KANSL3: variants seen among roughly 807,000 people sequenced by gnomAD.
The protein encoded by KANSL3 is KAT8 regulatory NSL complex subunit 3.
A neutral mutation model predicts 89.2 loss-of-function variants in KANSL3; 16 were observed. The ratio of observed to expected loss-of-function variants is 0.18; its 90% CI spans 0.12 to 0.27. The LOEUF is 0.27. Ranked by LOEUF, KANSL3 falls within the 10% of genes least tolerant of loss-of-function variation. The pLI, the probability that KANSL3 is intolerant of heterozygous loss-of-function variation, is 1.00. For missense variants in KANSL3, 879 were observed against 1,110.6 expected (o/e 0.79, Z 2.96); for synonymous variants, 385 against 419.7 (o/e 0.92, Z 1.01).
intron 3 of KANSL3, among the ~76,000 whole-genome samples, chr2:96,626,247 G>A (rs1394965973): frequency 2.0e-5 from 3 of 151,176 alleles, no homozygotes; most frequent in Non-Finnish European, 2.9e-5. Context: ...GTCAAACAAG[G>A]AGACACAAAG....
rs117632771 is a variant in KANSL3, at chr2:96,630,549, T to C, written c.386+763A>G. ...GGAGGAAACGGGAAGTAACTGTTTA[T>C]GGGTAAGAGGTTTCTTTTTAGGATG... On this transcript the variant is annotated intron_variant, in intron 3 of 20. Transcript: ENST00000431828. Among the ~76,000 whole-genome samples the C allele has an allele frequency of 2.6e-5, 4 of 152,356 alleles. No homozygotes were observed. In the East Asian group the frequency reaches 7.7e-4, roughly 29 times the overall value.
At chr2:96,616,067 C>G (rs2070042805) in intron 5 of KANSL3, among the ~76,000 whole-genome samples, 1 of 152,164 alleles carries the variant, frequency 6.6e-6, no homozygotes, top group East Asian at 1.9e-4. Flanking sequence ...ATCAGAGACA[C>G]CAGCAAGAGG....
chr2:96,625,421 C>T (rs1044854414), intron 3 of KANSL3, among the ~76,000 whole-genome samples: 1 of 152,194 alleles, frequency 6.6e-6, no homozygotes, highest in African/African-American at 2.4e-5. Flanking sequence ...CTATTGATCA[C>T]GTTGCAAACT....
chr2:96,611,980 T>C (rs145105859), intron 9 of KANSL3, among the ~76,000 whole-genome samples: 84 of 149,980 alleles, frequency 5.6e-4, no homozygotes, highest in African/African-American at 1.7e-3. Flanking sequence ...TTCAAAACAA[T>C]CTAGGGGAGA....
chr2:96,593,839 A>G lies in KANSL3; in HGVS notation c.*1772T>C, dbSNP rs1253339610. On this transcript the variant is annotated 3_prime_UTR_variant, in exon 21 of 21. Coordinates refer to ENST00000431828, the MANE Select transcript of KANSL3 (RefSeq NM_001115016.3). ...GTGGTATGATCCTACCTGTAAAGCT[A>G]TCAAACCCCTGGGTCCTGGATGCCT... The G allele has an allele frequency of 6.6e-6, 1 of 152,670 alleles. No individual in the cohort carries two copies. The highest frequency in any genetic ancestry group is 1.5e-5 in the Non-Finnish European group (1 of 68,330). 9.5% of individuals were successfully genotyped at this position (152,670 alleles called of 1,614,324 possible).
At chr2:96,602,963 G>A in intron 17 of KANSL3, 101 bp from the exon 18 acceptor site, 1 of 1,103,004 alleles carries the variant, frequency 9.1e-7, no homozygotes, top group Non-Finnish European at 1.3e-6. Context: ...AAACACCAGT[G>A]GTGCTTGCCC....
chr2:96,590,426 G>A (rs966770440), downstream of KANSL3, among the ~76,000 whole-genome samples: 6 of 151,756 alleles, frequency 4.0e-5, no homozygotes, highest in South Asian at 2.1e-4. Flanking sequence ...CCAAGTAGCC[G>A]GGACTACAGG....
rs530734479 is a variant in KANSL3 at position 96,593,561 on chromosome 2, G to A, written c.*2050C>T. The stretch of plus-strand genomic sequence containing the variant: ...CTGTGCAAGTTGTAGAACAATCCAC[G>A]TTCTCACAGCTCCCCTTCTTCAGTT... On this transcript the variant is annotated 3_prime_UTR_variant, in exon 21 of 21. Coordinates refer to ENST00000431828, the MANE Select transcript of KANSL3 (RefSeq NM_001115016.3). 3.1e-5 allele frequency: 10 copies of A among 322,038 alleles called. No individual in the cohort carries two copies. Among genetic ancestry groups the A allele is most frequent in the African/African-American group, 1.5e-4 (7 of 46,472 alleles). The allele number at this position is 322,038 out of a possible 1,614,324, so 19.9% of individuals were successfully genotyped here.
chr2:96,582,799 T>C, the KANSL3 span, among the ~76,000 whole-genome samples: 2 of 152,270 alleles, frequency 1.3e-5, no homozygotes, highest in Non-Finnish European at 2.9e-5. Flanking sequence ...TGATTATTCA[T>C]GCTAATAGGC....
intron 13 of KANSL3, 80 bp from the exon 14 acceptor site, chr2:96,608,744 C>T (rs982630979): frequency 1.3e-6 from 2 of 1,585,508 alleles, no homozygotes; most frequent in Non-Finnish European, 1.7e-6. Context: ...TCTGGAATTC[C>T]CCTTGTAGGA....
At chr2:96,605,697 G>A (rs1412845233) in intron 14 of KANSL3, 186 bp from the exon 15 acceptor site, 20 of 457,136 alleles carry the variant, frequency 4.4e-5, no homozygotes, top group South Asian at 1.0e-4. Flanking sequence ...GGCCCTGTCC[G>A]TGGGGGACCC....
chr2:96,612,219 G>A, intron 9 of KANSL3, 63 bp downstream of exon 9: 1 of 1,134,962 alleles, frequency 8.8e-7, no homozygotes, highest in Non-Finnish European at 1.3e-6. Context: ...AGGACTCAAT[G>A]GTAGCTATGA....
chr2:96,590,393 A>G (rs1021027683), downstream of KANSL3, among the ~76,000 whole-genome samples: 2 of 152,110 alleles, frequency 1.3e-5, no homozygotes, highest in Admixed American at 1.3e-4. Context: ...CCCAGGCTCA[A>G]GCAATCCTTC....
intron 20 of KANSL3, 44 bp downstream of exon 20, chr2:96,601,599 C>A: frequency 6.3e-7 from 1 of 1,598,426 alleles, no homozygotes; most frequent in Non-Finnish European, 8.5e-7. Context: ...CTTAAACTTC[C>A]CAATAATGAA....
intron 19 of KANSL3, 131 bp from the exon 20 acceptor site, chr2:96,601,907 GC>G: frequency 7.3e-7 from 1 of 1,370,976 alleles, no homozygotes. Flanking sequence ...GGTCATCTAT[GC>G]CCTATCAGTC....
intron 2 of KANSL3, chr2:96,634,078 A>C (rs1201112589): frequency 6.6e-6 from 1 of 152,234 alleles, no homozygotes; most frequent in East Asian, 1.9e-4. Context: ...TAGTTATTTA[A>C]TATATACTGT....
chr2:96,611,859 G>GA (rs1481131857), intron 9 of KANSL3, among the ~76,000 whole-genome samples: 2 of 144,410 alleles, frequency 1.4e-5, no homozygotes, highest in Non-Finnish European at 3.0e-5. Flanking sequence ...TATGTTTAGA[G>GA]AAAAAAAGGG....
intron 16 of KANSL3, 74 bp from the exon 17 acceptor site, chr2:96,604,454 A>G: frequency 6.5e-7 from 1 of 1,532,362 alleles, no homozygotes; most frequent in Non-Finnish European, 8.7e-7. Context: ...GGCAGGGTAC[A>G]GAGTGGGGCC....
At chr2:96,593,008 A>G (rs902402995), downstream of KANSL3, among the ~76,000 whole-genome samples, 5 of 152,164 alleles carry the variant, frequency 3.3e-5, no homozygotes, top group African/African-American at 1.2e-4. Context: ...ATCTCGAAAA[A>G]AAAAAAAGGA....
Sources: gnomAD v4.1 joint callset for allele counts (sites outside exome capture counted in the v4.1 genomes callset) on GRCh38, gnomAD v4.1.1 for gene constraint, MANE v1.5 for transcripts, NCBI Gene and HGNC (gene_info 2026-07-23, HGNC 2026-07-21) for gene names.